The following DNAH8 variants were observed in gnomAD, a reference collection of about 807,000 sequenced individuals.
DNAH8 encodes the protein axonemal beta dynein heavy chain 8.
A neutral mutation model predicts 562.1 loss-of-function variants in DNAH8; 382 were observed. That is an observed-to-expected ratio of 0.68 (90% confidence interval 0.63 to 0.74). The LOEUF is 0.74. Ranked by LOEUF, DNAH8 falls within the 30% of genes least tolerant of loss-of-function variation. The probability of loss-of-function intolerance (pLI) is 0.00; values close to 1 mark genes in which losing one functional copy is unlikely to be tolerated. For synonymous variants in DNAH8, 1,881 were observed against 1,919.4 expected (o/e 0.98, Z 0.52); for missense variants, 5,203 against 5,620.4 (o/e 0.93, Z 2.37).
chr6:38,874,257 TTCCCTTCC>T (rs1777793555), intron 52 of DNAH8, among the ~76,000 whole-genome samples: 1 of 22,548 alleles, frequency 4.4e-5, no homozygotes, highest in African/African-American at 2.0e-4. Context: ...TTCCCTTCCC[TTCCCTTCC>T]CTCCCCTTCC....
At chr6:38,835,150 C>A (rs759161046) in intron 32 of DNAH8, among the ~76,000 whole-genome samples, 1 of 152,086 alleles carries the variant, frequency 6.6e-6, no homozygotes, top group Admixed American at 6.6e-5. Flanking sequence ...TTCACACATC[C>A]ACATGGATTA....
chr6:38,844,423 G>C (rs1342951709), intron 35 of DNAH8, among the ~76,000 whole-genome samples: 1 of 152,146 alleles, frequency 6.6e-6, no homozygotes, highest in African/African-American at 2.4e-5. Context: ...TATGGTTTGG[G>C]TTTTCTGCCT....
chr6:38,883,948 G>A lies in DNAH8; in HGVS notation c.8209G>A (p.Val2737Ile), dbSNP rs762339455. Residue 2737 changes from valine to isoleucine, a missense_variant, in exon 56 of 93, where the codon GTA (valine) becomes ATA (isoleucine). Val to Ile is a conservative substitution (Grantham distance 29, BLOSUM62 3). Coordinates refer to ENST00000327475, the MANE Select transcript of DNAH8 (RefSeq NM_001206927.2). ...GCCACCAGGAGGGAGAAAAATGACT[G>A]TATTTATTGATGATATTAATATGCC... is the stretch of plus-strand genomic sequence containing the variant. Reference protein sequence around the residue: ...YGPPGGRKMTVFIDDINMPVI... With the variant: ...YGPPGGRKMTIFIDDINMPVI... The A allele has an allele frequency of 3.9e-5, 62 of 1,588,026 alleles. No individual in the cohort carries two copies.
rs182816864 is a variant in DNAH8 at position 38,726,516 on chromosome 6, C to A, written c.525+3045C>A. ...TGTGGTTAGATTCTACCTTTAAGGCCATTATGGTCCAGGACTGACACTGCT... is the reference window on the plus strand; with the variant it reads ...TGTGGTTAGATTCTACCTTTAAGGCAATTATGGTCCAGGACTGACACTGCT... On this transcript the variant is annotated intron_variant, in intron 3 of 92. Coordinates refer to ENST00000327475, the MANE Select transcript of DNAH8 (RefSeq NM_001206927.2). 4.7e-4 allele frequency among the ~76,000 whole-genome samples: 71 copies of A among 152,228 alleles called. No homozygotes were observed. In the East Asian group the frequency reaches 7.5e-3, roughly 16 times the overall value.
At chr6:38,831,626 G>A (rs1036019620) in intron 30 of DNAH8, among the ~76,000 whole-genome samples, 5 of 152,214 alleles carry the variant, frequency 3.3e-5, no homozygotes, top group South Asian at 2.1e-4. Context: ...GTTAATAGCA[G>A]GGGCCCTGGA....
chr6:38,949,364 A>G (rs1761700248), intron 80 of DNAH8, 88 bp from the exon 81 acceptor site: 10 of 824,150 alleles, frequency 1.2e-5, no homozygotes, highest in Non-Finnish European at 2.1e-5. Flanking sequence ...CCTGTAAAGA[A>G]TGACCCTCTC....
At chr6:38,981,705 AAC>A (rs1287597734) in intron 85 of DNAH8, among the ~76,000 whole-genome samples, 8 of 152,220 alleles carry the variant, frequency 5.3e-5, no homozygotes, top group Admixed American at 5.2e-4. Context: ...ATTGTAGAAT[AAC>A]AGTTCATTCA....
chr6:39,012,030 GT>G (rs1243846153), intron 89 of DNAH8, among the ~76,000 whole-genome samples, 184 bp from the exon 90 acceptor site: 1 of 152,178 alleles, frequency 6.6e-6, no homozygotes. Context: ...TTGAACAGTA[GT>G]TTTGGAAACG....
At chr6:39,012,181 A>T in intron 89 of DNAH8, 34 bp from the exon 90 acceptor site, 1 of 1,525,244 alleles carries the variant, frequency 6.6e-7, no homozygotes, top group Non-Finnish European at 8.9e-7. Context: ...CAGATGAGAA[A>T]ATCTCCTTTA....
intron 60 of DNAH8, among the ~76,000 whole-genome samples, 192 bp from the exon 61 acceptor site, chr6:38,898,066 C>T (rs1779819451): frequency 1.3e-5 from 2 of 152,024 alleles, no homozygotes; most frequent in Non-Finnish European, 2.9e-5. Flanking sequence ...CCAACTAATA[C>T]AGTTAAGTTT....
At chr6:38,906,686 T>C (rs1437766579) in intron 63 of DNAH8, among the ~76,000 whole-genome samples, 1 of 152,174 alleles carries the variant, frequency 6.6e-6, no homozygotes, top group Non-Finnish European at 1.5e-5. Context: ...TATCTGTCCA[T>C]CTATCTGCAT....
intron 41 of DNAH8, among the ~76,000 whole-genome samples, chr6:38,854,353 A>G (rs1776013302): frequency 6.6e-6 from 1 of 152,166 alleles, no homozygotes; most frequent in Non-Finnish European, 1.5e-5. Flanking sequence ...GGCAAGAGAT[A>G]TCCAAGGAAA....
In DNAH8 at chr6:39,030,644, C is replaced by A. The variant is rs948831510; in HGVS notation, c.*252C>A. 5 of 400,466 alleles carry A rather than the reference C, an allele frequency of 1.2e-5. No individual in the cohort carries two copies. Among genetic ancestry groups the A allele is most frequent in the South Asian group, 3.6e-5 (1 of 27,408 alleles). The allele number at this position is 400,466 out of a possible 1,614,324, so 24.8% of individuals were successfully genotyped here. ...CTATAATTACTTTTTAAAGATAAAA[C>A]CCTGTTTGGATGTTAGAACACTTTG... On this transcript the variant is annotated 3_prime_UTR_variant, in exon 93 of 93. Transcript: ENST00000327475.
At chr6:38,763,970 T>C (rs1403887072) in intron 11 of DNAH8, 1 of 153,566 alleles carries the variant, frequency 6.5e-6, no homozygotes, top group Non-Finnish European at 1.5e-5. Context: ...GGAAAAGATA[T>C]CCAGAAAAGA....
At chr6:38,826,016 AATTC>A (rs1348292929) in intron 28 of DNAH8, 136 bp from the exon 29 acceptor site, 67 of 594,252 alleles carry the variant, frequency 1.1e-4, no homozygotes, top group African/African-American at 1.1e-3. Context: ...TAGCACATGT[AATTC>A]ATACTAACCA....
At chr6:39,000,071 T>C (rs1315179094) in intron 88 of DNAH8, among the ~76,000 whole-genome samples, 1 of 152,190 alleles carries the variant, frequency 6.6e-6, no homozygotes, top group Non-Finnish European at 1.5e-5. Context: ...TCCTTTGTAT[T>C]TGAGGTTTAA....
At chr6:38,819,979 A>T (rs761208807) in intron 26 of DNAH8, among the ~76,000 whole-genome samples, 2 of 152,238 alleles carry the variant, frequency 1.3e-5, no homozygotes, top group African/African-American at 4.8e-5. Context: ...ATAAGTCCAC[A>T]TCATGAAGAA....
intron 82 of DNAH8, among the ~76,000 whole-genome samples, chr6:38,957,866 C>CAAAAAAA (rs1209427701): frequency 2.3e-3 from 175 of 75,504 alleles, no homozygotes; most frequent in Middle Eastern, 9.6e-3. Flanking sequence ...ATGCCTACAC[C>CAAAAAAA]AAAAAAAAAA....
intron 82 of DNAH8, among the ~76,000 whole-genome samples, chr6:38,959,227 A>T (rs1157204289): frequency 6.6e-6 from 1 of 152,216 alleles, no homozygotes; most frequent in Non-Finnish European, 1.5e-5. Flanking sequence ...CACAACAATG[A>T]TGCCTACTTT....
Sources: gnomAD v4.1 joint callset for allele counts (sites outside exome capture counted in the v4.1 genomes callset) on GRCh38, gnomAD v4.1.1 for gene constraint, MANE v1.5 for transcripts, NCBI Gene and HGNC (gene_info 2026-07-23, HGNC 2026-07-21) for gene names.